TMEM87B: variants seen among roughly 807,000 people sequenced by gnomAD.
TMEM87B encodes transmembrane protein 87B.
TMEM87B carries 83 observed loss-of-function variants against 80.3 expected under a neutral mutation model. That is an observed-to-expected ratio of 1.03 (90% CI 0.87 to 1.24). TMEM87B has a LOEUF of 1.24. Ranked by LOEUF, TMEM87B falls within the 50% of genes most tolerant of loss-of-function variation. The pLI is 0.00. For missense variants in TMEM87B, 625 were observed against 674.4 expected (o/e 0.93, Z 0.81); for synonymous variants, 219 against 230.5 (o/e 0.95, Z 0.45).
chr2:112,081,239 G>T (rs1678987881), intron 7 of TMEM87B, 96 bp from the exon 8 acceptor site: 1 of 1,427,268 alleles, frequency 7.0e-7, no homozygotes, highest in South Asian at 1.3e-5. Context: ...GTTCCAGAGT[G>T]ACTGGAAAAT....
At chr2:112,071,131 G>C (rs1211581198) in intron 4 of TMEM87B, among the ~76,000 whole-genome samples, 1 of 151,882 alleles carries the variant, frequency 6.6e-6, no homozygotes, top group Non-Finnish European at 1.5e-5. Context: ...GCTGAGCATG[G>C]AACATCTTTC....
At chr2:112,097,341 G>A (rs1211213996) in intron 13 of TMEM87B, 50 bp downstream of exon 13, 2 of 1,432,622 alleles carry the variant, frequency 1.4e-6, no homozygotes, top group Non-Finnish European at 1.9e-6. Flanking sequence ...ATACTATTTT[G>A]TAGAATTTTG....
Position 112,116,248 on chromosome 2 carries a change from C to T in TMEM87B, c.*105C>T. 1.1e-6 allele frequency: 1 copy of T among 952,132 alleles called. No individual in the cohort carries two copies. The highest frequency in any genetic ancestry group is 1.6e-6 in the Non-Finnish European group (1 of 637,082). 59.0% of individuals were successfully genotyped at this position (952,132 alleles called of 1,614,324 possible). ...TGCCTAAAAATTTTTATTGTGTTAT[C>T]TTGGAAGTCTGTGTATCAAAATGAA... On this transcript the variant is annotated 3_prime_UTR_variant, in exon 19 of 19. Coordinates refer to ENST00000283206, the MANE Select transcript of TMEM87B (RefSeq NM_032824.3).
intron 2 of TMEM87B, among the ~76,000 whole-genome samples, chr2:112,063,057 G>A (rs184698500): frequency 1.2e-3 from 178 of 152,254 alleles, no homozygotes; most frequent in African/African-American, 4.2e-3. Flanking sequence ...TTGAATCTCT[G>A]GTCTCAGTTT....
intron 9 of TMEM87B, among the ~76,000 whole-genome samples, chr2:112,087,963 A>G (rs1280933170): frequency 6.6e-6 from 1 of 151,980 alleles, no homozygotes; most frequent in Non-Finnish European, 1.5e-5. Flanking sequence ...ATCCTCTCAC[A>G]TCACTGGCTA....
intron 8 of TMEM87B, among the ~76,000 whole-genome samples, chr2:112,083,115 G>A (rs561210639): frequency 6.6e-6 from 1 of 152,310 alleles, no homozygotes; most frequent in East Asian, 1.9e-4. Context: ...AGGATGAGAA[G>A]CATTGACTGT....
intron 4 of TMEM87B, among the ~76,000 whole-genome samples, chr2:112,072,560 G>A (rs1444886773): frequency 6.6e-6 from 1 of 152,148 alleles, no homozygotes; most frequent in East Asian, 1.9e-4. Flanking sequence ...TGTGCATAGA[G>A]GCATTGATAG....
chr2:112,109,544 A>G (rs1040235711), intron 17 of TMEM87B, among the ~76,000 whole-genome samples: 1 of 151,996 alleles, frequency 6.6e-6, no homozygotes, highest in Admixed American at 6.6e-5. Flanking sequence ...TTGAGGAGAA[A>G]GTAGTCATTA....
At chr2:112,067,217 T>G (rs1392853692) in intron 4 of TMEM87B, 150 bp downstream of exon 4, 8 of 1,091,458 alleles carry the variant, frequency 7.3e-6, no homozygotes, top group African/African-American at 1.6e-5. Flanking sequence ...TGAATACAAG[T>G]ATCAACTGAA....
chr2:112,099,555 T>TATATATATATATATATATAC (rs1019425429), intron 14 of TMEM87B, among the ~76,000 whole-genome samples: 15 of 73,562 alleles, frequency 2.0e-4, no homozygotes, highest in African/African-American at 7.0e-4. Context: ...TATATATATA[T>TATATATATATATATATATAC]ACACACACAC....
chr2:112,068,227 C>A (rs1181893740), intron 4 of TMEM87B, among the ~76,000 whole-genome samples: 1 of 152,054 alleles, frequency 6.6e-6, no homozygotes, highest in Non-Finnish European at 1.5e-5. Flanking sequence ...AAAACAAAAA[C>A]AAAAACAAAA....
intron 14 of TMEM87B, among the ~76,000 whole-genome samples, chr2:112,099,792 G>A (rs1679579337): frequency 6.7e-6 from 1 of 149,410 alleles, no homozygotes; most frequent in African/African-American, 2.5e-5. Context: ...TGGGAGGATG[G>A]CCTGAGCCCA....
chr2:112,065,874 G>C (rs1333011123), intron 3 of TMEM87B, among the ~76,000 whole-genome samples: 2 of 151,850 alleles, frequency 1.3e-5, no homozygotes, highest in Non-Finnish European at 2.9e-5. Flanking sequence ...ATTTATTTTT[G>C]CAAAATGCCC....
intron 9 of TMEM87B, 107 bp from the exon 10 acceptor site, chr2:112,089,518 T>A: frequency 1.0e-6 from 1 of 975,382 alleles, no homozygotes; most frequent in South Asian, 1.4e-5. Context: ...CTGATGTGAT[T>A]AGATAGTGAC....
In TMEM87B at chr2:112,091,715, T is replaced by C. The variant is rs1679305150; in HGVS notation, c.1036T>C (p.Ser346Pro). Residue 346 changes from serine to proline, a missense_variant, in exon 11 of 19, where the codon TCT becomes CCT. Coordinates refer to ENST00000283206, the MANE Select transcript of TMEM87B (RefSeq NM_032824.3). ...VEGVMRVIGG[S>P]NHLAVVLDDI... ...TTCCCTTATTTTTATCTTTCAGGGTTCTAACCATTTAGCTGTTGTTCTTGA... is the reference window on the plus strand; with the variant it reads ...TTCCCTTATTTTTATCTTTCAGGGTCCTAACCATTTAGCTGTTGTTCTTGA... 1.2e-6 allele frequency: 2 copies of C among 1,611,726 alleles called. No individual in the cohort carries two copies. The highest frequency in any genetic ancestry group is 1.3e-5 in the African/African-American group (1 of 74,896).
At chr2:112,064,897 A>G (rs577091718) in intron 3 of TMEM87B, among the ~76,000 whole-genome samples, 2 of 152,188 alleles carry the variant, frequency 1.3e-5, no homozygotes, top group East Asian at 3.9e-4. Flanking sequence ...ATCTTTTTAA[A>G]TTATATATGT....
At chr2:112,079,548 A>G (rs1453281704) in intron 6 of TMEM87B, among the ~76,000 whole-genome samples, 1 of 152,180 alleles carries the variant, frequency 6.6e-6, no homozygotes, top group Non-Finnish European at 1.5e-5. Flanking sequence ...TAACTTAGCT[A>G]TTGTTCATAC....
At chr2:112,102,090 G>A (rs555096621) in intron 15 of TMEM87B, among the ~76,000 whole-genome samples, 19 of 152,238 alleles carry the variant, frequency 1.2e-4, no homozygotes, top group Non-Finnish European at 2.5e-4. Flanking sequence ...AGGAAGAAAT[G>A]GAAGAAATAT....
chr2:112,059,843 G>C (rs962257572), intron 1 of TMEM87B, 134 bp from the exon 2 acceptor site: 2 of 1,188,140 alleles, frequency 1.7e-6, no homozygotes, highest in Admixed American at 3.3e-5. Flanking sequence ...TTAGTGATGT[G>C]ATCAGATTTA....
Sources: gnomAD v4.1 joint callset for allele counts (sites outside exome capture counted in the v4.1 genomes callset) on GRCh38, gnomAD v4.1.1 for gene constraint, MANE v1.5 for transcripts, NCBI Gene and HGNC (gene_info 2026-07-23, HGNC 2026-07-21) for gene names.